The following XG variants were observed in gnomAD, a reference collection of about 807,000 sequenced individuals.
XG encodes the protein glycoprotein Xg.
Under a neutral mutation model 25.7 loss-of-function variants are expected in XG, and 24 were observed. The observed-to-expected ratio is 0.93, with a 90% CI of 0.68 to 1.31. The LOEUF (loss-of-function observed/expected upper bound fraction) is 1.31, where lower values mean the gene tolerates loss of function less well. Among genes scored for constraint, XG ranks in the 40% most tolerant of loss-of-function variants. The pLI is 0.00. For missense variants in XG, 181 were observed against 187.6 expected, an observed-to-expected ratio of 0.96 and a Z score of 0.21; for synonymous variants, 77 against 69.2, an observed-to-expected ratio of 1.11 and a Z score of -0.56.
At chrX:2,795,539 C>T (rs1306440942) in intron 6 of XG, among the ~76,000 whole-genome samples, 1 of 108,313 alleles carries the variant, frequency 9.2e-6, no homozygotes, top group Non-Finnish European at 1.9e-5. Context: ...ACACATATAC[C>T]TTTATGTGTA....
At chrX:2,789,221 ACT>A (rs749858670) in intron 4 of XG, among the ~76,000 whole-genome samples, 206 of 111,758 alleles carry the variant, frequency 1.8e-3, no homozygotes, top group Non-Finnish European at 2.7e-3. Context: ...ACAGAGCAAG[ACT>A]CTGTCTCAAA....
At chrX:2,778,610 C>T (rs1291535369) in intron 3 of XG, among the ~76,000 whole-genome samples, 3 of 152,016 alleles carry the variant, frequency 2.0e-5, no homozygotes, top group Non-Finnish European at 4.4e-5. Context: ...CTGAGCAATG[C>T]ATAGGTTCAG....
In XG at chrX:2,768,079, C is replaced by T. The variant is rs115347922; in HGVS notation, c.62-2471C>T. On this transcript the variant is annotated intron_variant, in intron 1 of 10. Transcript: ENST00000644266. ...TGAGACGAGCTGTCTGCAGCCCTCC[C>T]GTGCCACCTGCCTGTTTTATGCAAC... is the stretch of plus-strand genomic sequence containing the variant. Among the ~76,000 whole-genome samples, 949 of 152,222 alleles carry T rather than the reference C, an allele frequency of 6.2e-3. 5 individuals are homozygous for T. The highest frequency in any genetic ancestry group is 0.022 in the African/African-American group (901 of 41,532).
At chrX:2,797,464 T>C (rs760367775) in intron 7 of XG, 104 bp downstream of exon 7, 17 of 914,435 alleles carry the variant, frequency 1.9e-5, no homozygotes, top group Non-Finnish European at 2.3e-5. Context: ...CTGGAGTCTT[T>C]GGTGAGTAGG....
chrX:2,802,672 C>T (rs1410979159), intron 7 of XG, among the ~76,000 whole-genome samples: 1 of 108,871 alleles, frequency 9.2e-6, no homozygotes, highest in African/African-American at 3.4e-5. Flanking sequence ...GTCTGGGTGG[C>T]GCCGGCTGGT....
chrX:2,799,520 G>C (rs1217710993), intron 7 of XG, among the ~76,000 whole-genome samples: 4 of 111,131 alleles, frequency 3.6e-5, no homozygotes, highest in Non-Finnish European at 7.5e-5. Context: ...TAGACAAATG[G>C]GGCAGAGGGA....
intron 1 of XG, among the ~76,000 whole-genome samples, chrX:2,760,435 T>G (rs2050537405): frequency 6.6e-6 from 1 of 151,396 alleles, no homozygotes; most frequent in South Asian, 2.1e-4. Flanking sequence ...GGAGATGGGG[T>G]CTTTAAAGAG....
chrX:2,769,926 A>T (rs2050776445), intron 1 of XG, among the ~76,000 whole-genome samples: 1 of 150,790 alleles, frequency 6.6e-6, no homozygotes, highest in Non-Finnish European at 1.5e-5. Flanking sequence ...CCTATGCTCC[A>T]TATAGTCTCT....
At chrX:2,781,193 C>G (rs1433027391) in intron 3 of XG, among the ~76,000 whole-genome samples, 3 of 151,876 alleles carry the variant, frequency 2.0e-5, no homozygotes, top group Non-Finnish European at 4.4e-5. Flanking sequence ...AGAGTTTTTC[C>G]CAGGACTTTC....
chrX:2,810,713 C>T (rs765683426), intron 9 of XG, among the ~76,000 whole-genome samples: 10 of 110,280 alleles, frequency 9.1e-5, no homozygotes, highest in Admixed American at 8.8e-4. Flanking sequence ...GTCAAGAGTT[C>T]GAGACCAGCC....
At chrX:2,775,915 C>G (rs1005685646) in intron 3 of XG, among the ~76,000 whole-genome samples, 8 of 145,178 alleles carry the variant, frequency 5.5e-5, no homozygotes, top group Non-Finnish European at 1.2e-4. Context: ...GAGATCATGC[C>G]ACTGCACTCC....
At chrX:2,776,258 G>A (rs1422810572) in intron 3 of XG, among the ~76,000 whole-genome samples, 1 of 152,060 alleles carries the variant, frequency 6.6e-6, no homozygotes, top group Non-Finnish European at 1.5e-5. Context: ...AGGAAGGGGA[G>A]GGCTGGGGGT....
At chrX:2,801,767 G>GGT (rs2086941360) in intron 7 of XG, among the ~76,000 whole-genome samples, 1 of 110,485 alleles carries the variant, frequency 9.1e-6, no homozygotes, top group South Asian at 3.8e-4. Context: ...GGAGTGCAGT[G>GGT]GCGTCATCTC....
At chrX:2,774,608 G>A (rs1280172368) in intron 2 of XG, 108 bp from the exon 3 acceptor site, 15 of 1,225,508 alleles carry the variant, frequency 1.2e-5, no homozygotes, top group Non-Finnish European at 1.8e-5. Flanking sequence ...TACTTTGTAT[G>A]GCTTTGTCAC....
intron 1 of XG, among the ~76,000 whole-genome samples, chrX:2,770,239 C>A (rs2050787171): frequency 6.6e-6 from 1 of 151,134 alleles, no homozygotes; most frequent in African/African-American, 2.4e-5. Flanking sequence ...TTGTAGAATT[C>A]TATTTATAAG....
intron 1 of XG, among the ~76,000 whole-genome samples, chrX:2,769,010 G>A (rs2050758072): frequency 6.6e-6 from 1 of 152,164 alleles, no homozygotes; most frequent in Non-Finnish European, 1.5e-5. Flanking sequence ...GCTGCTGTGT[G>A]CACCCTGGGC....
At chrX:2,776,611 G>T (rs1230545617) in intron 3 of XG, among the ~76,000 whole-genome samples, 1 of 152,014 alleles carries the variant, frequency 6.6e-6, no homozygotes, top group South Asian at 2.1e-4. Context: ...GTGAGTAAAG[G>T]AAAAGGGAGA....
In XG at chrX:2,768,233, G is replaced by C. The variant is rs60275573; in HGVS notation, c.62-2317G>C. Reference sequence around the variant, plus strand: ...TAAGTGGTTGCTGAGGGGATGCCTGGGATTGCTGGGATGGGCGGAGACATA... The same window carrying C: ...TAAGTGGTTGCTGAGGGGATGCCTGCGATTGCTGGGATGGGCGGAGACATA... On this transcript the variant is annotated intron_variant, in intron 1 of 10. Transcript: ENST00000644266. Among the ~76,000 whole-genome samples the C allele has an allele frequency of 2.0e-3, 309 of 152,258 alleles. 4 individuals are homozygous for C. The highest frequency in any genetic ancestry group is 7.3e-3 in the African/African-American group (302 of 41,536).
At position 2,797,262 on chromosome X, in the gene XG, C is replaced by A. The variant is rs370578832; in HGVS notation, c.323-48C>A. Reference sequence around the variant, plus strand: ...AGACCAACACCTGCAGGAAACCCCACGCTCAGACACCTGAACATCCCTCAA... The same window carrying A: ...AGACCAACACCTGCAGGAAACCCCAAGCTCAGACACCTGAACATCCCTCAA... On this transcript the variant is annotated intron_variant, in intron 6 of 10. Transcript: ENST00000644266. 1.3e-5 allele frequency: 16 copies of A among 1,189,132 alleles called. No individual in the cohort carries two copies. The African/African-American group carries it at 2.3e-4, about 17-fold the overall frequency.
Sources: gnomAD v4.1 joint callset for allele counts (sites outside exome capture counted in the v4.1 genomes callset) on GRCh38, gnomAD v4.1.1 for gene constraint, MANE v1.5 for transcripts, NCBI Gene and HGNC (gene_info 2026-07-23, HGNC 2026-07-21) for gene names.